The following PARP10 variants were observed in gnomAD, a reference collection of about 807,000 sequenced individuals.
PARP10 encodes the protein protein mono-ADP-ribosyltransferase PARP10.
A neutral mutation model predicts 82.4 loss-of-function variants in PARP10; 56 were observed. The ratio of observed to expected loss-of-function variants is 0.68; its 90% CI spans 0.55 to 0.85. PARP10 has a LOEUF of 0.85. Ranked by LOEUF, PARP10 falls within the 40% of genes least tolerant of loss-of-function variation. The pLI, the probability that PARP10 is intolerant of heterozygous loss-of-function variation, is 0.00. For missense variants in PARP10, 1,227 were observed against 1,379.4 expected (o/e 0.89, Z 1.75); for synonymous variants, 576 against 601.1 (o/e 0.96, Z 0.61).
intron 1 of PARP10, among the ~76,000 whole-genome samples, chr8:144,010,680 G>A (rs1554752407): frequency 6.6e-6 from 1 of 152,046 alleles, no homozygotes; most frequent in East Asian, 1.9e-4. Context: ...TTTGAGGCCT[G>A]CCTGGGCAAT....
rs2133054690 is a variant in PARP10 at position 143,986,442 on chromosome 8, G to A, written c.-83C>T. On this transcript the variant is annotated 5_prime_UTR_variant, in exon 1 of 11. Transcript: ENST00000313028. ...CCCCTCAGCAAGCCTAACCCTGCTG[G>A]GAGCAGGAAAACAAAAGTGAAACTG... The A allele has an allele frequency of 5.6e-6, 9 of 1,607,018 alleles. No homozygotes were observed. Among genetic ancestry groups the A allele is most frequent in the East Asian group, 2.2e-5 (1 of 44,798 alleles).
intron 1 of PARP10, among the ~76,000 whole-genome samples, chr8:143,996,674 C>T (rs1236909863): frequency 6.6e-6 from 1 of 152,224 alleles, no homozygotes; most frequent in South Asian, 2.1e-4. Context: ...ACTGCCCTCA[C>T]CAGGCCCAGA....
chr8:143,998,535 C>A (rs1381556026), intron 1 of PARP10, among the ~76,000 whole-genome samples: 1 of 152,108 alleles, frequency 6.6e-6, no homozygotes, highest in Non-Finnish European at 1.5e-5. Flanking sequence ...AGGAAACAGA[C>A]CCAGAGGTGA....
At chr8:144,003,341 T>C (rs1270811607) in intron 1 of PARP10, among the ~76,000 whole-genome samples, 1 of 149,846 alleles carries the variant, frequency 6.7e-6, no homozygotes, top group African/African-American at 2.5e-5. Flanking sequence ...AAGGATCGCT[T>C]GAGCCTGGGA....
At position 143,977,380 on chromosome 8, in the gene PARP10, C is replaced by A. The variant is rs2133022633; in HGVS notation, c.*104G>T. On this transcript the variant is annotated 3_prime_UTR_variant, in exon 11 of 11. Transcript: ENST00000313028. ...TGGAGCCCGCAGAGGGAGGCAGGGG[C>A]GTCCCCGGGGACAGCTCAGGCGGCC... The A allele has an allele frequency of 1.8e-6, 2 of 1,116,676 alleles. No homozygotes were observed. The highest frequency in any genetic ancestry group is 2.6e-5 in the East Asian group (1 of 38,244). The allele number at this position is 1,116,676 out of a possible 1,614,324, so 69.2% of individuals were successfully genotyped here. A position where few individuals can be genotyped will look rare whatever the true frequency, so the allele number is the denominator to read the frequency against.
chr8:143,980,319 C>A (rs868989456), intron 9 of PARP10, among the ~76,000 whole-genome samples: 1,231 of 16,080 alleles, frequency 0.077, 38 homozygotes, highest in African/African-American at 0.13. Flanking sequence ...GATTCCGTCT[C>A]AAAAAAAAAA....
At chr8:144,007,370 A>G (rs1554752151) in intron 1 of PARP10, among the ~76,000 whole-genome samples, 1 of 152,082 alleles carries the variant, frequency 6.6e-6, no homozygotes, top group African/African-American at 2.4e-5. Context: ...AGACTAATCA[A>G]AGGGATATTG....
chr8:143,991,962 G>A, upstream of PARP10: 1 of 1,613,854 alleles, frequency 6.2e-7, no homozygotes, highest in Non-Finnish European at 8.5e-7. Flanking sequence ...GAAGGGCTTT[G>A]TCCGGGAGAA....
rs782568756 is a variant in PARP10, at chr8:143,984,535, G to A, written c.1458+9C>T. 1 of 1,604,128 alleles carries A rather than the reference G, an allele frequency of 6.2e-7. No individual in the cohort carries two copies. Among genetic ancestry groups the A allele is most frequent in the Non-Finnish European group, 8.5e-7 (1 of 1,175,412 alleles). On this transcript the variant is annotated intron_variant, in intron 5 of 10. Coordinates refer to ENST00000313028, the MANE Select transcript of PARP10 (RefSeq NM_032789.5). ...GGCTGAAGGTGAGGAGTCCTGAGGGGTCACTCACCCGAAAGCCAGTCATAT... is the reference window on the plus strand; with the variant it reads ...GGCTGAAGGTGAGGAGTCCTGAGGGATCACTCACCCGAAAGCCAGTCATAT...
intron 1 of PARP10, among the ~76,000 whole-genome samples, chr8:144,007,039 G>T (rs1834240797): frequency 6.6e-6 from 1 of 152,080 alleles, no homozygotes; most frequent in Non-Finnish European, 1.5e-5. Context: ...ACCAAACATT[G>T]TTTGCTGCCC....
chr8:144,012,245 G>C, intron 1 of PARP10, among the ~76,000 whole-genome samples: 1 of 152,256 alleles, frequency 6.6e-6, no homozygotes, highest in East Asian at 1.9e-4. Context: ...GAGGCACCAT[G>C]AGGGTGAAGT....
At chr8:143,991,411 C>T (rs1219117746), upstream of PARP10, 12 of 1,292,682 alleles carry the variant, frequency 9.3e-6, no homozygotes, top group Middle Eastern at 2.5e-4. Context: ...GGCCCCAGCC[C>T]CTACCCCCAA....
At chr8:143,986,334 G>C (rs368557720) in intron 1 of PARP10, 24 bp downstream of exon 1, 470 of 1,614,122 alleles carry the variant, frequency 2.9e-4, no homozygotes, top group Non-Finnish European at 3.8e-4. Context: ...CCCCATTATG[G>C]GTGGCCCCAC....
Position 143,977,760 on chromosome 8 carries a change from G to T in PARP10, c.2802C>A (p.Pro934=). ...CCGCCTTATGGCCATCGGCGTTGGGGGGCGAGTAGCGGTCCTGCACCGACA... is the reference window on the plus strand; with the variant it reads ...CCGCCTTATGGCCATCGGCGTTGGGTGGCGAGTAGCGGTCCTGCACCGACA... The part of the protein sequence containing the change: ...ASLSVQDRYS[P]PNADGHKAVF... The change falls in exon 11 of 11, where the codon CCC becomes CCA. Residue 934 remains proline (P), a synonymous_variant. Transcript: ENST00000313028. 4 of 1,604,372 alleles carry T rather than the reference G, an allele frequency of 2.5e-6. No individual in the cohort carries two copies. Among genetic ancestry groups the T allele is most frequent in the Non-Finnish European group, 3.4e-6 (4 of 1,176,172 alleles).
intron 1 of PARP10, among the ~76,000 whole-genome samples, chr8:144,009,772 G>A (rs374530452): frequency 2.0e-5 from 3 of 152,132 alleles, no homozygotes; most frequent in African/African-American, 4.8e-5. Context: ...GCCAGAAGCC[G>A]CAAGGCCATC....
chr8:143,986,559 C>T (rs1298404853), upstream of PARP10: 9 of 776,188 alleles, frequency 1.2e-5, no homozygotes, highest in Middle Eastern at 7.6e-4. Context: ...GCAGCCTCAA[C>T]CCCCAGCTGA....
rs1554749162 is a variant in PARP10, at chr8:143,985,749, G to C, written c.408C>G (p.Val136=). The change falls in exon 3 of 11, where the codon GTC becomes GTG. Residue 136 remains valine (V), a synonymous_variant. Coordinates refer to ENST00000313028, the MANE Select transcript of PARP10 (RefSeq NM_032789.5). The part of the protein sequence containing the change: ...LASPRPDRAL[V]QLPKPLSEAD... ...CCTCAGAAAGGGGCTTGGGCAACTG[G>C]ACCAGAGCCCGGTCTGGCCGGGGGC... 2 of 1,609,244 alleles carry C rather than the reference G, an allele frequency of 1.2e-6. No homozygotes were observed. The highest frequency in any genetic ancestry group is 4.5e-5 in the East Asian group (2 of 44,770).
Position 143,984,774 on chromosome 8 carries a change from G to A in PARP10, c.1228C>T (p.Gln410Ter). The change falls in exon 5 of 11, where the codon CAA becomes TAA. Residue 410 changes from glutamine to a stop codon, truncating the protein, a stop_gained. Coordinates refer to ENST00000313028, the MANE Select transcript of PARP10 (RefSeq NM_032789.5). LOFTEE classifies it high-confidence loss of function. ...TCCATGGGACCCACCAGCCCCTCTT[G>A]CTCTGGTGAGTCCATGGCAATTTCC... ...LVEIAMDSPE[Q>*]EGLVGPMEIT... The A allele has an allele frequency of 6.2e-7, 1 of 1,613,514 alleles. No individual in the cohort carries two copies. Among genetic ancestry groups the A allele is most frequent in the Non-Finnish European group, 8.5e-7 (1 of 1,179,822 alleles).
chr8:143,980,963 G>T (rs147493301), intron 9 of PARP10, among the ~76,000 whole-genome samples: 204 of 152,228 alleles, frequency 1.3e-3, no homozygotes, highest in Non-Finnish European at 2.3e-3. Flanking sequence ...TGGAAGATGA[G>T]GGAGGAGGCA....
Sources: gnomAD v4.1 joint callset for allele counts (sites outside exome capture counted in the v4.1 genomes callset) on GRCh38, gnomAD v4.1.1 for gene constraint, MANE v1.5 for transcripts, NCBI Gene and HGNC (gene_info 2026-07-23, HGNC 2026-07-21) for gene names.